Variants in PCDH7 observed in about 807,000 individuals in gnomAD.
PCDH7 encodes the protein protocadherin 7.
Under a neutral mutation model 58.9 loss-of-function variants are expected in PCDH7, and 17 were observed. The observed-to-expected ratio is 0.29, with a 90% CI of 0.20 to 0.43. The LOEUF is 0.43. Ranked by LOEUF, PCDH7 falls within the 20% of genes least tolerant of loss-of-function variation. PCDH7 has a pLI of 1.00. For missense variants in PCDH7, 1,274 were observed against 1,441.0 expected, an observed-to-expected ratio of 0.88 and a Z score of 1.88; for synonymous variants, 664 against 616.4, an observed-to-expected ratio of 1.08 and a Z score of -1.14.
intron 1 of PCDH7, among the ~76,000 whole-genome samples, chr4:30,826,335 A>C (rs1729087357): frequency 6.6e-6 from 1 of 152,192 alleles, no homozygotes; most frequent in Non-Finnish European, 1.5e-5. Context: ...TAAATAAAAC[A>C]AATGCACTGA....
chr4:30,854,863 TTACGTTCTATGTAATTTG>T (rs1733258596), intron 1 of PCDH7, among the ~76,000 whole-genome samples: 1 of 151,994 alleles, frequency 6.6e-6, no homozygotes, highest in African/African-American at 2.4e-5. Flanking sequence ...GAAGTAAAAT[TTACGTTCTATGTAATTTG>T]TATAATTTTT....
chr4:30,770,660 T>C (rs1560351594), intron 1 of PCDH7, among the ~76,000 whole-genome samples: 1 of 152,166 alleles, frequency 6.6e-6, no homozygotes, highest in Non-Finnish European at 1.5e-5. Context: ...TCCAGATGAT[T>C]ATAAGCTGGA....
intron 1 of PCDH7, among the ~76,000 whole-genome samples, chr4:30,885,522 C>CTG (rs1226984854): frequency 1.5e-4 from 23 of 151,970 alleles, no homozygotes; most frequent in African/African-American, 4.6e-4. Flanking sequence ...GATACTGTCT[C>CTG]TCTGTGTGTG....
chr4:30,759,936 A>G (rs138251384), intron 1 of PCDH7, among the ~76,000 whole-genome samples: 2,043 of 152,146 alleles, frequency 0.013, 37 homozygotes, highest in African/African-American at 0.046. Context: ...CTACTCCCCA[A>G]TTCCCTCATA....
intron 3 of PCDH7, among the ~76,000 whole-genome samples, chr4:31,037,617 AGAATATAGAC>A (rs1468214299): frequency 5.7e-4 from 87 of 152,338 alleles, no homozygotes; most frequent in African/African-American, 2.0e-3. Flanking sequence ...GAAATGCTCT[AGAATATAGAC>A]ACATGGCTGA....
chr4:31,002,002 C>G (rs189148826), intron 3 of PCDH7, among the ~76,000 whole-genome samples: 183 of 152,290 alleles, frequency 1.2e-3, no homozygotes, highest in African/African-American at 4.1e-3. Context: ...ATCAAATACG[C>G]TGAGCCAATG....
intron 1 of PCDH7, among the ~76,000 whole-genome samples, chr4:30,794,233 A>G (rs1338171682): frequency 6.6e-6 from 1 of 152,214 alleles, no homozygotes; most frequent in East Asian, 1.9e-4. Flanking sequence ...AACCTCCTGA[A>G]GGTGTTTTTC....
chr4:31,024,903 C>T (rs974337356), intron 3 of PCDH7, among the ~76,000 whole-genome samples: 4 of 152,032 alleles, frequency 2.6e-5, no homozygotes, highest in Admixed American at 2.6e-4. Flanking sequence ...CCACCATGCC[C>T]AACTAATTTT....
intron 2 of PCDH7, among the ~76,000 whole-genome samples, chr4:30,945,271 T>C (rs6847748): frequency 0.48 from 73,119 of 151,792 alleles, 17,850 homozygotes; most frequent in African/African-American, 0.56. Context: ...GCATGTATAT[T>C]ATCTCAAATC....
At chr4:30,924,196 C>T (rs943404154) in intron 2 of PCDH7, among the ~76,000 whole-genome samples, 9 of 152,090 alleles carry the variant, frequency 5.9e-5, no homozygotes, top group African/African-American at 2.2e-4. Flanking sequence ...TTTGCAAAGC[C>T]AGTTTGCCTT....
At chr4:31,022,014 A>G (rs1754064532) in intron 3 of PCDH7, among the ~76,000 whole-genome samples, 1 of 152,196 alleles carries the variant, frequency 6.6e-6, no homozygotes, top group East Asian at 1.9e-4. Flanking sequence ...ATTTTGCTTA[A>G]TGGATGTTCT....
In PCDH7 at chr4:30,920,061, T is replaced by C. The variant is rs141623524; in HGVS notation, c.71-92T>C. The C allele has an allele frequency of 5.5e-6, 5 of 914,112 alleles. No homozygotes were observed. In the East Asian group the frequency reaches 3.1e-4, roughly 57 times the overall value. 56.6% of individuals were successfully genotyped at this position (914,112 alleles called of 1,614,324 possible). A position where few individuals can be genotyped will look rare whatever the true frequency, so the allele number is the denominator to read the frequency against. On this transcript the variant is annotated intron_variant, in intron 1 of 3. Coordinates refer to the PCDH7 transcript ENST00000509759. ...CATTTTGTATTGAATTAGTTGCCAG[T>C]AGACCTTAATGTATGTAATTTATGT...
intron 3 of PCDH7, among the ~76,000 whole-genome samples, chr4:31,103,168 G>T (rs1715113655): frequency 1.3e-5 from 2 of 152,012 alleles, no homozygotes; most frequent in African/African-American, 4.8e-5. Flanking sequence ...TTCACATTTT[G>T]GTAACCATAT....
intron 1 of PCDH7, among the ~76,000 whole-genome samples, chr4:30,844,502 T>C (rs887369223): frequency 6.6e-6 from 1 of 152,180 alleles, no homozygotes; most frequent in Non-Finnish European, 1.5e-5. Flanking sequence ...TGCTTTCTTT[T>C]TCATACTTGG....
At chr4:30,822,939 T>C (rs777227929) in intron 1 of PCDH7, among the ~76,000 whole-genome samples, 3 of 152,110 alleles carry the variant, frequency 2.0e-5, no homozygotes, top group Non-Finnish European at 4.4e-5. Flanking sequence ...TTGCGTTTTA[T>C]ATGTGAGTAA....
At chr4:30,837,675 C>G (rs1461389708) in intron 1 of PCDH7, among the ~76,000 whole-genome samples, 1 of 151,512 alleles carries the variant, frequency 6.6e-6, no homozygotes, top group Admixed American at 6.6e-5. Flanking sequence ...CTTTACGTAC[C>G]GACAAAGTTT....
intron 3 of PCDH7, among the ~76,000 whole-genome samples, chr4:31,137,427 A>G (rs1013467236): frequency 3.9e-5 from 6 of 152,228 alleles, no homozygotes; most frequent in Non-Finnish European, 8.8e-5. Context: ...TACTAAAAAT[A>G]CAAAAAATTA....
chr4:30,912,540 G>T lies in PCDH7; in HGVS notation c.71-7613G>T, dbSNP rs139007282. Among the ~76,000 whole-genome samples the T allele has an allele frequency of 6.2e-3, 942 of 152,278 alleles. 8 individuals carry two copies. The highest frequency in any genetic ancestry group is 9.9e-3 in the Admixed American group (151 of 15,284). ...TAAAAAAGCCTTTTCAGCCCATTCAGAAATAATTGATGTGACTGAGACAGC... is the reference window on the plus strand; with the variant it reads ...TAAAAAAGCCTTTTCAGCCCATTCATAAATAATTGATGTGACTGAGACAGC... On this transcript the variant is annotated intron_variant, in intron 1 of 3. Transcript: ENST00000509759.
intron 1 of PCDH7, among the ~76,000 whole-genome samples, chr4:30,831,244 T>A (rs910511596): frequency 1.3e-5 from 2 of 152,074 alleles, no homozygotes; most frequent in African/African-American, 4.8e-5. Flanking sequence ...TTAAGAAGCA[T>A]CATAACTAGA....
Sources: gnomAD v4.1 joint callset for allele counts (sites outside exome capture counted in the v4.1 genomes callset) on GRCh38, gnomAD v4.1.1 for gene constraint, MANE v1.5 for transcripts, NCBI Gene and HGNC (gene_info 2026-07-23, HGNC 2026-07-21) for gene names.